Variants in CEP350 observed in about 807,000 individuals in gnomAD.
CEP350 encodes centrosomal protein 350, also known as centrosome-associated protein 350.
In CEP350, 126 loss-of-function variants were observed where a neutral mutation model predicts 331.8. The observed-to-expected ratio is 0.38, with a 90% CI of 0.33 to 0.44. The LOEUF is 0.44. Ranked by LOEUF, CEP350 falls within the 20% of genes least tolerant of loss-of-function variation. The pLI is 1.00. For synonymous variants in CEP350, 1,200 were observed against 1,259.5 expected (o/e 0.95, Z 1.00); for missense variants, 3,406 against 3,634.6 (o/e 0.94, Z 1.62).
intron 1 of CEP350, among the ~76,000 whole-genome samples, chr1:179,973,146 C>T (rs553954818): frequency 3.3e-5 from 5 of 152,286 alleles, no homozygotes; most frequent in East Asian, 1.9e-4. Flanking sequence ...GGATTACAGG[C>T]GTGAGCCACC....
Position 180,054,326 on chromosome 1 carries a change from A to G in CEP350, c.5175-89A>G, listed in dbSNP as rs533155825. On this transcript the variant is annotated intron_variant, in intron 24 of 37. Coordinates refer to ENST00000367607, the MANE Select transcript of CEP350 (RefSeq NM_014810.5). ...ATTTGAAAATGTTAAATTGGTTTGT[A>G]GACTTTTTAGTAGTCAAGAATTCTT... 392 of 1,079,596 alleles carry G rather than the reference A, an allele frequency of 3.6e-4. 2 individuals are homozygous for G. The African/African-American group carries it at 5.5e-3, about 15-fold the overall frequency. 66.9% of individuals were successfully genotyped at this position (1,079,596 alleles called of 1,614,324 possible).
chr1:180,111,861 G>A lies in CEP350; in HGVS notation c.*700G>A, dbSNP rs887824156. On this transcript the variant is annotated 3_prime_UTR_variant, in exon 38 of 38. Transcript: ENST00000367607. ...CAAAGAAATGCCCCTACTGAAGACT[G>A]GGCTCAAAGGACCAATGCAGGGCTG... 1 of 152,532 alleles carries A rather than the reference G, an allele frequency of 6.6e-6. No individual in the cohort carries two copies. The highest frequency in any genetic ancestry group is 2.4e-5 in the African/African-American group (1 of 41,420). The allele number at this position is 152,532 out of a possible 1,614,324, so 9.4% of individuals were successfully genotyped here.
intron 14 of CEP350, among the ~76,000 whole-genome samples, chr1:180,028,425 A>G (rs1378550722): frequency 6.6e-6 from 1 of 152,222 alleles, no homozygotes; most frequent in Non-Finnish European, 1.5e-5. Context: ...TTATTGGCAA[A>G]GCCCAGATTC....
At chr1:179,957,944 G>A (rs1180066699) in intron 1 of CEP350, among the ~76,000 whole-genome samples, 1 of 152,174 alleles carries the variant, frequency 6.6e-6, no homozygotes, top group Non-Finnish European at 1.5e-5. Context: ...ATTCTTCAAG[G>A]CCAGCTAGTC....
chr1:180,045,271 G>T (rs2148934801), intron 21 of CEP350, among the ~76,000 whole-genome samples: 1 of 152,254 alleles, frequency 6.6e-6, no homozygotes, highest in Non-Finnish European at 1.5e-5. Context: ...GAACTAGGGA[G>T]GCAGAGGTTG....
At chr1:180,005,788 G>A (rs993969672) in intron 7 of CEP350, among the ~76,000 whole-genome samples, 1 of 152,040 alleles carries the variant, frequency 6.6e-6, no homozygotes, top group Non-Finnish European at 1.5e-5. Flanking sequence ...CCTGCTTGCT[G>A]GGTTTCTTTT....
chr1:180,079,431 A>G lies in CEP350; in HGVS notation c.5979+757A>G, dbSNP rs141847880. Among the ~76,000 whole-genome samples, 39 of 152,054 alleles carry G rather than the reference A, an allele frequency of 2.6e-4. No homozygotes were observed. In the East Asian group the frequency reaches 6.2e-3, roughly 24 times the overall value. On this transcript the variant is annotated intron_variant, in intron 29 of 37. Coordinates refer to ENST00000367607, the MANE Select transcript of CEP350 (RefSeq NM_014810.5). ...ATTTTGTTTCCCCATTGAAAAGTCA[A>G]TCAGGTTCATTTGTGTTACAGCACC... is the stretch of plus-strand genomic sequence containing the variant.
chr1:180,073,689 A>T, intron 27 of CEP350: 1 of 860,710 alleles, frequency 1.2e-6, no homozygotes, highest in Non-Finnish European at 1.6e-6. Flanking sequence ...TTCAGGAAGC[A>T]TATTAAAAGT....
chr1:180,011,103 G>T (rs940686461), intron 8 of CEP350, among the ~76,000 whole-genome samples: 8 of 151,764 alleles, frequency 5.3e-5, no homozygotes, highest in African/African-American at 1.9e-4. Context: ...GTAAACAGCT[G>T]TATTTATTGA....
Position 180,065,465 on chromosome 1 carries a change from G to A in CEP350, c.5567+193G>A, listed in dbSNP as rs184150292. Reference sequence around the variant, plus strand: ...CTTATTTATAAAACAATTTTAATACGAGCAGGTTTCTTACTTTAAAAAACC... The same window carrying A: ...CTTATTTATAAAACAATTTTAATACAAGCAGGTTTCTTACTTTAAAAAACC... On this transcript the variant is annotated intron_variant, in intron 27 of 37. Coordinates refer to ENST00000367607, the MANE Select transcript of CEP350 (RefSeq NM_014810.5). Among the ~76,000 whole-genome samples the A allele has an allele frequency of 5.1e-4, 78 of 152,028 alleles. 1 individual carries two copies. In the East Asian group the frequency reaches 0.014, roughly 27 times the overall value.
intron 6 of CEP350, among the ~76,000 whole-genome samples, chr1:180,002,631 A>G (rs1213217915): frequency 6.6e-6 from 1 of 152,208 alleles, no homozygotes; most frequent in African/African-American, 2.4e-5. Context: ...AATTTAAAAC[A>G]TGTCTACACA....
chr1:180,024,356 C>A, intron 13 of CEP350, 63 bp from the exon 14 acceptor site: 2 of 1,413,908 alleles, frequency 1.4e-6, no homozygotes, highest in South Asian at 1.3e-5. Flanking sequence ...TTTTAAATAT[C>A]TTTAATTTAG....
At chr1:180,059,597 T>C (rs915527400) in intron 25 of CEP350, among the ~76,000 whole-genome samples, 1 of 151,978 alleles carries the variant, frequency 6.6e-6, no homozygotes, top group African/African-American at 2.4e-5. Flanking sequence ...ATTCAAGAAG[T>C]ATTTGTGCAC....
intron 1 of CEP350, among the ~76,000 whole-genome samples, chr1:179,985,702 T>G (rs1488998986): frequency 6.6e-6 from 1 of 152,172 alleles, no homozygotes; most frequent in Non-Finnish European, 1.5e-5. Flanking sequence ...GCCAGACGCT[T>G]ATAAAACCGT....
intron 26 of CEP350, among the ~76,000 whole-genome samples, chr1:180,064,589 G>A (rs1431584341): frequency 1.3e-5 from 2 of 152,088 alleles, no homozygotes; most frequent in Non-Finnish European, 2.9e-5. Flanking sequence ...TTGATTAATA[G>A]TTTCCAAATG....
chr1:180,021,180 A>G (rs1361601444), intron 12 of CEP350, among the ~76,000 whole-genome samples, 171 bp downstream of exon 12: 1 of 152,228 alleles, frequency 6.6e-6, no homozygotes, highest in Admixed American at 6.5e-5. Context: ...AAGTAAGAGT[A>G]TTAGTAATTT....
chr1:179,958,868 A>G (rs1468321218), intron 1 of CEP350, among the ~76,000 whole-genome samples: 2 of 152,214 alleles, frequency 1.3e-5, no homozygotes. Context: ...AAACACATAG[A>G]CAAATGTAGT....
At chr1:180,046,654 A>G (rs1657138988) in intron 21 of CEP350, among the ~76,000 whole-genome samples, 1 of 152,214 alleles carries the variant, frequency 6.6e-6, no homozygotes, top group Non-Finnish European at 1.5e-5. Flanking sequence ...GAAGAATTGC[A>G]AAACTATTTT....
intron 1 of CEP350, among the ~76,000 whole-genome samples, chr1:179,965,605 TTTTTC>T (rs1370200649): frequency 1.4e-5 from 2 of 143,322 alleles, no homozygotes; most frequent in African/African-American, 2.5e-5. Context: ...ATCTTTTTTC[TTTTTC>T]TTTTCTTTTT....
Sources: gnomAD v4.1 joint callset for allele counts (sites outside exome capture counted in the v4.1 genomes callset) on GRCh38, gnomAD v4.1.1 for gene constraint, MANE v1.5 for transcripts, NCBI Gene and HGNC (gene_info 2026-07-23, HGNC 2026-07-21) for gene names.